Variants in SLC28A3 observed in about 807,000 individuals in gnomAD.
SLC28A3 encodes solute carrier family 28 member 3.
In SLC28A3, 68 loss-of-function variants were observed where a neutral mutation model predicts 84.2. That is an observed-to-expected ratio of 0.81 (90% CI 0.66 to 0.99). The LOEUF (loss-of-function observed/expected upper bound fraction) is 0.99, where lower values mean the gene tolerates loss of function less well. Among genes scored for constraint, SLC28A3 ranks in the 50% least tolerant of loss-of-function variants. The pLI is 0.00. For synonymous variants in SLC28A3, 267 were observed against 303.6 expected, an observed-to-expected ratio of 0.88 and a Z score of 1.25; for missense variants, 712 against 841.5, an observed-to-expected ratio of 0.85 and a Z score of 1.90.
intron 1 of SLC28A3, among the ~76,000 whole-genome samples, chr9:84,337,487 CGT>C (rs139490810): frequency 4.3e-4 from 65 of 151,848 alleles, no homozygotes; most frequent in Non-Finnish European, 6.9e-4. Context: ...TGTTTGCACA[CGT>C]GTGTGTGTGT....
chr9:84,275,988 C>T lies in SLC28A3; in HGVS notation c.*2230G>A, dbSNP rs987758334. The T allele has an allele frequency of 1.3e-5, 2 of 152,184 alleles. No individual in the cohort carries two copies. The highest frequency in any genetic ancestry group is 2.4e-5 in the African/African-American group (1 of 41,432). The allele number at this position is 152,184 out of a possible 1,614,324, so 9.4% of individuals were successfully genotyped here. A position where few individuals can be genotyped will look rare whatever the true frequency, so the allele number is the denominator to read the frequency against. On this transcript the variant is annotated 3_prime_UTR_variant, in exon 18 of 18. Transcript: ENST00000376238. Reference sequence around the variant, plus strand: ...TTATAATACCAGAAATATACACACACTTCAAACCTGGGAAATCATCCTATG... The same window carrying T: ...TTATAATACCAGAAATATACACACATTTCAAACCTGGGAAATCATCCTATG...
chr9:84,278,367 A>G (rs773500428), intron 17 of SLC28A3, 23 bp from the exon 18 acceptor site: 23 of 1,613,502 alleles, frequency 1.4e-5, no homozygotes, highest in Non-Finnish European at 1.9e-5. Context: ...GGAAAGAAAC[A>G]GTTACATGAG....
At chr9:84,285,313 A>G in intron 14 of SLC28A3, 32 bp downstream of exon 14, 1 of 1,600,212 alleles carries the variant, frequency 6.2e-7, no homozygotes, top group Non-Finnish European at 8.5e-7. Flanking sequence ...TGTGATGAAG[A>G]AATGTACTGA....
chr9:84,279,023 T>A (rs946735601), intron 17 of SLC28A3, among the ~76,000 whole-genome samples: 3 of 152,116 alleles, frequency 2.0e-5, no homozygotes, highest in African/African-American at 7.2e-5. Flanking sequence ...GCTAGCCTTA[T>A]CTGAGAAAAG....
At chr9:84,358,420 C>T in the SLC28A3 span, among the ~76,000 whole-genome samples, 1 of 152,164 alleles carries the variant, frequency 6.6e-6, no homozygotes, top group Non-Finnish European at 1.5e-5. Context: ...CCTCAATCCC[C>T]TGTATGACCT....
chr9:84,362,313 T>C, the SLC28A3 span, among the ~76,000 whole-genome samples: 1 of 152,154 alleles, frequency 6.6e-6, no homozygotes, highest in African/African-American at 2.4e-5. Flanking sequence ...GCTGGAGCTA[T>C]AATAAAGTCA....
the SLC28A3 span, among the ~76,000 whole-genome samples, chr9:84,359,944 A>G: frequency 2.0e-5 from 3 of 150,884 alleles, no homozygotes; most frequent in East Asian, 5.9e-4. Flanking sequence ...GAGGTTTGCA[A>G]TGAGCCAATA....
At chr9:84,285,213 G>T (rs1224109486) in intron 14 of SLC28A3, 132 bp downstream of exon 14, 5 of 805,170 alleles carry the variant, frequency 6.2e-6, no homozygotes, top group Non-Finnish European at 9.8e-6. Flanking sequence ...ATGAGCAATG[G>T]ATTTTAGGTT....
At chr9:84,356,568 ACGCT>A in the SLC28A3 span, among the ~76,000 whole-genome samples, 1 of 152,194 alleles carries the variant, frequency 6.6e-6, no homozygotes, top group Non-Finnish European at 1.5e-5. Flanking sequence ...AAGGTGGCTC[ACGCT>A]CGTAATCCCA....
chr9:84,286,170 T>C lies in SLC28A3; in HGVS notation c.1281-59A>G, dbSNP rs1222348417. 4 of 1,540,332 alleles carry C rather than the reference T, an allele frequency of 2.6e-6. No individual in the cohort carries two copies. The African/African-American group carries it at 4.1e-5, about 16-fold the overall frequency. On this transcript the variant is annotated intron_variant, in intron 12 of 17. Transcript: ENST00000376238. ...AGGAGTTGTCAGGGGATGGACACCA[T>C]TGGTGCAGAAGTAGCATAATCAGAG...
chr9:84,342,002 G>A (rs537639307), upstream of SLC28A3, among the ~76,000 whole-genome samples: 5 of 151,772 alleles, frequency 3.3e-5, no homozygotes, highest in East Asian at 1.9e-4. Flanking sequence ...GATAACGTGC[G>A]CCTGTAGTCC....
chr9:84,285,933 G>A lies in SLC28A3; in HGVS notation c.1449+10C>T, dbSNP rs749656839. ...ACAAAACAGAGGGCAGGGGCGTGAT[G>A]TGATTATACCTCAAAACTCAGCTGT... On this transcript the variant is annotated intron_variant, in intron 13 of 17. Coordinates refer to ENST00000376238, the MANE Select transcript of SLC28A3 (RefSeq NM_001199633.2). The A allele has an allele frequency of 2.9e-5, 46 of 1,609,538 alleles. No individual in the cohort carries two copies. In the Admixed American group the frequency reaches 3.5e-4, roughly 12 times the overall value.
At chr9:84,328,998 T>C (rs1428544963) in intron 1 of SLC28A3, among the ~76,000 whole-genome samples, 2 of 152,102 alleles carry the variant, frequency 1.3e-5, no homozygotes, top group Non-Finnish European at 2.9e-5. Flanking sequence ...AGAGACATAC[T>C]TTACATTCAA....
upstream of SLC28A3, among the ~76,000 whole-genome samples, chr9:84,341,798 C>A (rs1038421393): frequency 2.6e-5 from 4 of 151,418 alleles, no homozygotes; most frequent in Non-Finnish European, 4.4e-5. Flanking sequence ...GATTTTCCCC[C>A]CTAGTACAAT....
At chr9:84,315,995 T>C (rs1826158962) in intron 1 of SLC28A3, among the ~76,000 whole-genome samples, 1 of 152,206 alleles carries the variant, frequency 6.6e-6, no homozygotes, top group Non-Finnish European at 1.5e-5. Context: ...GTTTACAGCT[T>C]ACACATTTAA....
intron 1 of SLC28A3, among the ~76,000 whole-genome samples, chr9:84,335,096 C>T (rs1826924236): frequency 6.6e-6 from 1 of 152,162 alleles, no homozygotes; most frequent in South Asian, 2.1e-4. Context: ...AATGTGTGTC[C>T]TCTTCTGAGC....
chr9:84,366,848 C>G, the SLC28A3 span, among the ~76,000 whole-genome samples: 13,157 of 152,242 alleles, frequency 0.086, 715 homozygotes, highest in East Asian at 0.16. Context: ...GAAGCCAGCA[C>G]AGCCCTGAGT....
At chr9:84,356,511 A>C in the SLC28A3 span, among the ~76,000 whole-genome samples, 1 of 152,274 alleles carries the variant, frequency 6.6e-6, no homozygotes, top group South Asian at 2.1e-4. Flanking sequence ...CTCAGTAGAC[A>C]ATACACCAAT....
At chr9:84,319,087 A>G (rs889323414) in intron 1 of SLC28A3, among the ~76,000 whole-genome samples, 4 of 152,218 alleles carry the variant, frequency 2.6e-5, no homozygotes, top group African/African-American at 9.7e-5. Context: ...AGAAAAAATC[A>G]TTAGAAGGCT....
Sources: allele counts gnomAD v4.1 joint callset (sites outside exome capture counted in the v4.1 genomes callset), GRCh38; gene constraint gnomAD v4.1.1; transcripts MANE v1.5; gene names NCBI Gene and HGNC (gene_info 2026-07-23, HGNC 2026-07-21).